ZYG11B: variants seen among roughly 807,000 people sequenced by gnomAD.
The protein encoded by ZYG11B is zyg-11 family member B, cell cycle regulator.
ZYG11B carries 36 observed loss-of-function variants against 82.4 expected under a neutral mutation model. The observed-to-expected ratio is 0.44, with a 90% CI of 0.33 to 0.58. ZYG11B has a LOEUF of 0.58. ZYG11B is among the 20% of genes least tolerant of loss of function. The probability of loss-of-function intolerance (pLI) is 0.02; values close to 1 mark genes in which losing one functional copy is unlikely to be tolerated. For missense variants in ZYG11B, 552 were observed against 895.6 expected, an observed-to-expected ratio of 0.62 and a Z score of 4.90; for synonymous variants, 303 against 312.8, an observed-to-expected ratio of 0.97 and a Z score of 0.33.
At chr1:52,751,965 G>GTT (rs60275454) in intron 1 of ZYG11B, among the ~76,000 whole-genome samples, 17 of 146,084 alleles carry the variant, frequency 1.2e-4, no homozygotes, top group African/African-American at 4.2e-4. Flanking sequence ...CAGATGTGTG[G>GTT]TTTTTTTTTT....
chr1:52,802,581 G>A (rs189798726), intron 10 of ZYG11B, among the ~76,000 whole-genome samples: 1 of 151,462 alleles, frequency 6.6e-6, no homozygotes, highest in African/African-American at 2.4e-5. Flanking sequence ...AAACTCCTGA[G>A]CTCAAGCAAT....
At position 52,746,534 on chromosome 1, in the gene ZYG11B, A is replaced by G. The variant is rs533396019; in HGVS notation, c.31-9924A>G. The stretch of plus-strand genomic sequence containing the variant: ...AGGAGAGTGATAAAGGGACTTCCCT[A>G]GTTTCTGAAAAATTGTGCCAATTTA... On this transcript the variant is annotated intron_variant, in intron 1 of 13. Transcript: ENST00000294353. Among the ~76,000 whole-genome samples, 45 of 152,120 alleles carry G rather than the reference A, an allele frequency of 3.0e-4. 1 individual carries two copies. In the South Asian group the frequency reaches 8.9e-3, roughly 30 times the overall value.
rs1645022089 is a variant in ZYG11B, at chr1:52,797,103, TGTATATATTTATATATTATATATTATATA to T, written c.1485+320_1485+348del. On this transcript the variant is annotated intron_variant, in intron 8 of 13. Coordinates refer to ENST00000294353, the MANE Select transcript of ZYG11B (RefSeq NM_024646.3). Reference sequence around the variant, plus strand: ...TTGTATATATTTATATATTACATATTGTATATATTTATATATTATATATTATATATTTATATATTATATATTATATATTT... The same window carrying T: ...TTGTATATATTTATATATTACATATTTTTATATATTATATATTATATATTT... Among the ~76,000 whole-genome samples the T allele has an allele frequency of 6.7e-5, 4 of 59,334 alleles. No homozygotes were observed. In the South Asian group the frequency reaches 1.8e-3, roughly 27 times the overall value. 38.9% of individuals were successfully genotyped at this position (59,334 alleles called of 152,430 possible).
chr1:52,750,904 A>G (rs1005666718), intron 1 of ZYG11B, among the ~76,000 whole-genome samples: 1 of 152,118 alleles, frequency 6.6e-6, no homozygotes, highest in Non-Finnish European at 1.5e-5. Flanking sequence ...TCCACTTAGC[A>G]TGTTTTCAAG....
At chr1:52,803,040 A>AT (rs1300197884) in intron 10 of ZYG11B, among the ~76,000 whole-genome samples, 12 of 120,386 alleles carry the variant, frequency 1.0e-4, no homozygotes, top group African/African-American at 2.7e-4. Context: ...CTACAACTTT[A>AT]TTTTTTTTTT....
intron 4 of ZYG11B, among the ~76,000 whole-genome samples, chr1:52,783,648 G>T (rs1644876287): frequency 6.9e-6 from 1 of 145,708 alleles, no homozygotes; most frequent in Non-Finnish European, 1.5e-5. Context: ...TAGAGGCAGG[G>T]TCTCACTCTG....
chr1:52,791,810 G>C (rs986338510), intron 6 of ZYG11B, among the ~76,000 whole-genome samples: 1 of 152,140 alleles, frequency 6.6e-6, no homozygotes, highest in African/African-American at 2.4e-5. Flanking sequence ...ATCTCATGTA[G>C]ATTGCTAATT....
At chr1:52,786,797 A>C (rs1253193532) in intron 5 of ZYG11B, among the ~76,000 whole-genome samples, 1 of 150,994 alleles carries the variant, frequency 6.6e-6, no homozygotes, top group African/African-American at 2.5e-5. Context: ...AACAAACAAA[A>C]AAGAATGTTC....
At chr1:52,818,189 G>A (rs189807140) in intron 13 of ZYG11B, among the ~76,000 whole-genome samples, 1 of 152,110 alleles carries the variant, frequency 6.6e-6, no homozygotes. Context: ...AAAAATTATA[G>A]GGGCCGGGCA....
chr1:52,758,634 T>C (rs1166544509), intron 2 of ZYG11B, among the ~76,000 whole-genome samples: 3 of 152,142 alleles, frequency 2.0e-5, no homozygotes, highest in African/African-American at 7.2e-5. Context: ...TATAAAACTA[T>C]TAAGTATAAG....
At chr1:52,796,606 C>A in intron 7 of ZYG11B, 128 bp from the exon 8 acceptor site, 1 of 905,642 alleles carries the variant, frequency 1.1e-6, no homozygotes, top group South Asian at 2.0e-5. Context: ...TCCCAAAAAC[C>A]GATATGCAGC....
chr1:52,820,087 T>TGTATTTTTA (rs1382544466), intron 13 of ZYG11B, among the ~76,000 whole-genome samples: 1 of 150,924 alleles, frequency 6.6e-6, no homozygotes, highest in Non-Finnish European at 1.5e-5. Context: ...CTAATTTTTT[T>TGTATTTTTA]GTATTTTTAG....
intron 10 of ZYG11B, 24 bp downstream of exon 10, chr1:52,802,163 A>G: frequency 3.1e-6 from 5 of 1,600,012 alleles, no homozygotes. Context: ...ACTTCCTGCT[A>G]AGTTCCAAGC....
At chr1:52,799,564 C>T (rs761937122) in intron 8 of ZYG11B, among the ~76,000 whole-genome samples, 39 of 149,992 alleles carry the variant, frequency 2.6e-4, no homozygotes, top group South Asian at 1.1e-3. Context: ...TTGAGGTGGG[C>T]GGATCACGAG....
chr1:52,776,229 A>AAAAAAATATATATATATATATATATATAT, intron 3 of ZYG11B, among the ~76,000 whole-genome samples: 10 of 23,538 alleles, frequency 4.2e-4, no homozygotes, highest in Non-Finnish European at 5.8e-4. Flanking sequence ...TAAAAAAAAA[A>AAAAAAATATATATATATATATATATATAT]ATATATATAT....
chr1:52,762,497 C>T (rs1332854739), intron 2 of ZYG11B, among the ~76,000 whole-genome samples: 1 of 151,830 alleles, frequency 6.6e-6, no homozygotes, highest in Non-Finnish European at 1.5e-5. Context: ...GCATGAGCCA[C>T]CGTGCCTGGC....
intron 2 of ZYG11B, among the ~76,000 whole-genome samples, 178 bp from the exon 3 acceptor site, chr1:52,770,842 C>T (rs1558127866): frequency 6.6e-6 from 1 of 152,192 alleles, no homozygotes; most frequent in Non-Finnish European, 1.5e-5. Context: ...AAGCCACTCT[C>T]TGAGCCCCAG....
intron 9 of ZYG11B, 31 bp downstream of exon 9, chr1:52,802,011 ATATT>A (rs770797157): frequency 6.3e-7 from 1 of 1,585,832 alleles, no homozygotes; most frequent in Non-Finnish European, 8.6e-7. Flanking sequence ...TACAGTTTTG[ATATT>A]TATTAATTTA....
intron 1 of ZYG11B, among the ~76,000 whole-genome samples, chr1:52,732,454 A>G (rs1172592983): frequency 6.6e-6 from 1 of 152,216 alleles, no homozygotes; most frequent in African/African-American, 2.4e-5. Flanking sequence ...TTATTAGCTG[A>G]CTAAAATTCT....
Sources: gnomAD v4.1 joint callset for allele counts (sites outside exome capture counted in the v4.1 genomes callset) on GRCh38, gnomAD v4.1.1 for gene constraint, MANE v1.5 for transcripts, NCBI Gene and HGNC (gene_info 2026-07-23, HGNC 2026-07-21) for gene names.